The following PLPPR1 variants were observed in gnomAD, a reference collection of about 807,000 sequenced individuals.
PLPPR1 encodes the protein phospholipid phosphatase related 1.
In PLPPR1, 10 loss-of-function variants were observed where a neutral mutation model predicts 33.1. The observed-to-expected ratio is 0.30, with a 90% CI of 0.19 to 0.51. The LOEUF is 0.51. Among genes scored for constraint, PLPPR1 ranks in the 20% least tolerant of loss-of-function variants. The pLI is 0.97. For missense variants in PLPPR1, 304 were observed against 408.1 expected (o/e 0.74, Z 2.20); for synonymous variants, 151 against 151.0 (o/e 1.00, Z 0.00).
chr9:101,087,522 C>T (rs898608868), intron 1 of PLPPR1, among the ~76,000 whole-genome samples: 1 of 152,176 alleles, frequency 6.6e-6, no homozygotes, highest in Non-Finnish European at 1.5e-5. Flanking sequence ...AAATACTTGG[C>T]TTGCTGTGGG....
chr9:101,118,964 G>T (rs1241637689), intron 1 of PLPPR1, among the ~76,000 whole-genome samples: 1 of 151,616 alleles, frequency 6.6e-6, no homozygotes, highest in Non-Finnish European at 1.5e-5. Flanking sequence ...TGACATCCAT[G>T]AAACATGAGA....
intron 3 of PLPPR1, among the ~76,000 whole-genome samples, chr9:101,284,307 G>A (rs1297547625): frequency 6.6e-6 from 1 of 152,074 alleles, no homozygotes; most frequent in Non-Finnish European, 1.5e-5. Flanking sequence ...GTGACAAGAT[G>A]GATAAACCTA....
chr9:101,128,005 G>A (rs1447188411), intron 1 of PLPPR1, among the ~76,000 whole-genome samples: 2 of 152,176 alleles, frequency 1.3e-5, no homozygotes, highest in Admixed American at 6.5e-5. Context: ...CTGGGCTGAG[G>A]TGCAGGTAAG....
chr9:101,225,197 T>C (rs1827037807), intron 2 of PLPPR1, among the ~76,000 whole-genome samples: 1 of 152,210 alleles, frequency 6.6e-6, no homozygotes, highest in South Asian at 2.1e-4. Flanking sequence ...CATGAATTTG[T>C]GTTTGTGCAG....
At chr9:101,070,142 C>T (rs897107887) in intron 1 of PLPPR1, among the ~76,000 whole-genome samples, 1 of 152,082 alleles carries the variant, frequency 6.6e-6, no homozygotes, top group Non-Finnish European at 1.5e-5. Flanking sequence ...ATGCACATTC[C>T]TCACTTAAGG....
rs544703570 is a variant in PLPPR1 at position 101,068,675 on chromosome 9, C to T, written c.-46+39573C>T. Among the ~76,000 whole-genome samples the T allele has an allele frequency of 2.6e-5, 4 of 151,760 alleles. No individual in the cohort carries two copies. The South Asian group carries it at 8.3e-4, about 32-fold the overall frequency. ...AGTCTATGATCCCTTCCCCAAACAC[C>T]GAGAGACAAATGTGCTCAAGACTTA... is the stretch of plus-strand genomic sequence containing the variant. On this transcript the variant is annotated intron_variant, in intron 1 of 7. Coordinates refer to ENST00000374874, the MANE Select transcript of PLPPR1 (RefSeq NM_207299.2).
intron 1 of PLPPR1, among the ~76,000 whole-genome samples, chr9:101,055,003 C>T (rs529482432): frequency 1.6e-4 from 24 of 152,096 alleles, no homozygotes; most frequent in Non-Finnish European, 3.1e-4. Context: ...ATTTCATAAG[C>T]GAAAGGCTCC....
intron 2 of PLPPR1, among the ~76,000 whole-genome samples, chr9:101,265,602 G>A (rs1827975641): frequency 6.6e-6 from 1 of 152,192 alleles, no homozygotes; most frequent in Non-Finnish European, 1.5e-5. Context: ...TAATTGTGTG[G>A]CATCATCAGT....
At chr9:101,144,744 A>G (rs1231084879) in intron 1 of PLPPR1, among the ~76,000 whole-genome samples, 1 of 152,192 alleles carries the variant, frequency 6.6e-6, no homozygotes, top group Non-Finnish European at 1.5e-5. Context: ...TAACATTTTC[A>G]GTTGATGTTG....
Position 101,238,348 on chromosome 9 carries a change from G to GGT in PLPPR1, c.64-31529_64-31528dup, listed in dbSNP as rs1422198853. On this transcript the variant is annotated intron_variant, in intron 2 of 7. Coordinates refer to ENST00000374874, the MANE Select transcript of PLPPR1 (RefSeq NM_207299.2). ...GTATATATACCTCTCTATATATAGA[G>GGT]GTGTATATATATATATGGGTATATA... 3.6e-3 allele frequency among the ~76,000 whole-genome samples: 273 copies of GGT among 74,836 alleles called. 3 individuals are homozygous for GGT. The highest frequency in any genetic ancestry group is 0.019 in the African/African-American group (266 of 14,272). 49.1% of individuals were successfully genotyped at this position (74,836 alleles called of 152,430 possible).
intron 4 of PLPPR1, among the ~76,000 whole-genome samples, chr9:101,302,615 A>C (rs1199278296): frequency 6.6e-6 from 1 of 152,208 alleles, no homozygotes; most frequent in Non-Finnish European, 1.5e-5. Context: ...TTGGTGGTTG[A>C]ATCAGAATGT....
intron 1 of PLPPR1, among the ~76,000 whole-genome samples, chr9:101,056,022 A>G (rs1830274356): frequency 6.6e-6 from 1 of 152,338 alleles, no homozygotes; most frequent in South Asian, 2.1e-4. Flanking sequence ...AACAGCTTCC[A>G]TTTATTGAGT....
At chr9:101,287,531 T>C (rs1828414440) in intron 4 of PLPPR1, among the ~76,000 whole-genome samples, 1 of 152,216 alleles carries the variant, frequency 6.6e-6, no homozygotes, top group Admixed American at 6.5e-5. Context: ...AGACAGAGTC[T>C]TGCTCTCTCC....
chr9:101,219,539 T>C, intron 2 of PLPPR1, among the ~76,000 whole-genome samples: 1 of 152,196 alleles, frequency 6.6e-6, no homozygotes, highest in South Asian at 2.1e-4. Flanking sequence ...GATGTATGTG[T>C]ATAATGTTTG....
intron 1 of PLPPR1, among the ~76,000 whole-genome samples, chr9:101,109,075 C>T (rs1184051391): frequency 6.6e-6 from 1 of 150,738 alleles, no homozygotes; most frequent in Non-Finnish European, 1.5e-5. Flanking sequence ...TCTCCTGCCT[C>T]AGCCTCCCAA....
intron 4 of PLPPR1, among the ~76,000 whole-genome samples, chr9:101,291,537 C>T (rs1285104860): frequency 1.3e-5 from 2 of 152,220 alleles, no homozygotes; most frequent in South Asian, 2.1e-4. Flanking sequence ...TGGGAGGCAC[C>T]CGCCAGTAGG....
intron 7 of PLPPR1, among the ~76,000 whole-genome samples, chr9:101,323,469 CAA>C (rs11339430): frequency 0.037 from 3,461 of 93,774 alleles, 133 homozygotes; most frequent in African/African-American, 0.11. Flanking sequence ...AACCCTGTCT[CAA>C]AAAAAAAAAA....
chr9:101,153,031 G>A (rs1831614803), intron 1 of PLPPR1, among the ~76,000 whole-genome samples: 1 of 152,212 alleles, frequency 6.6e-6, no homozygotes, highest in African/African-American at 2.4e-5. Flanking sequence ...CTACCCACGA[G>A]CAGGGAATGT....
At chr9:101,222,967 A>T (rs1826977692) in intron 2 of PLPPR1, among the ~76,000 whole-genome samples, 2 of 152,112 alleles carry the variant, frequency 1.3e-5, no homozygotes, top group South Asian at 4.2e-4. Flanking sequence ...AAGAGGCTAC[A>T]GACTACTTCT....
Sources: allele counts gnomAD v4.1 joint callset (sites outside exome capture counted in the v4.1 genomes callset), GRCh38; gene constraint gnomAD v4.1.1; transcripts MANE v1.5; gene names NCBI Gene and HGNC (gene_info 2026-07-23, HGNC 2026-07-21).